Variants in TRPV1 observed in about 807,000 individuals in gnomAD.
TRPV1 encodes OTRPC1.
TRPV1 carries 82 observed loss-of-function variants against 82.3 expected under a neutral mutation model. That is an observed-to-expected ratio of 1.00 (90% CI 0.83 to 1.20). TRPV1 has a LOEUF of 1.20. Among genes scored for constraint, TRPV1 ranks in the 50% most tolerant of loss-of-function variants. The pLI is 0.00. For synonymous variants in TRPV1, 515 were observed against 467.7 expected, an observed-to-expected ratio of 1.10 and a Z score of -1.30; for missense variants, 1,067 against 1,096.8, an observed-to-expected ratio of 0.97 and a Z score of 0.38.
chr17:3,604,428 T>C lies in TRPV1; in HGVS notation c.-34+3999A>G, dbSNP rs1321513675. Among the ~76,000 whole-genome samples the C allele has an allele frequency of 2.0e-5, 3 of 151,728 alleles. No individual in the cohort carries two copies. The East Asian group carries it at 5.8e-4, about 29-fold the overall frequency. On this transcript the variant is annotated intron_variant, in intron 2 of 16. Coordinates refer to ENST00000572705, the MANE Select transcript of TRPV1 (RefSeq NM_080704.4). ...GCCTGGCCAACATGGTGAAACCCCG[T>C]CTCTATTAAAAATACAAAAATTAGC...
At chr17:3,576,668 A>AAAAAAAAAAAAAAAATATAT in intron 13 of TRPV1, among the ~76,000 whole-genome samples, 19 of 38,412 alleles carry the variant, frequency 4.9e-4, no homozygotes, top group East Asian at 1.7e-3. Flanking sequence ...AAAAAAAAAA[A>AAAAAAAAAAAAAAAATATAT]ATATATATAT....
At position 3,576,668 on chromosome 17, in the gene TRPV1, A is replaced by AAATATATAT; in HGVS notation, c.1780+457_1780+458insATATATATT. Among the ~76,000 whole-genome samples the AAATATATAT allele has an allele frequency of 1.5e-3, 57 of 38,404 alleles. 1 individual carries two copies. Among genetic ancestry groups the AAATATATAT allele is most frequent in the Non-Finnish European group, 2.3e-3 (44 of 19,008 alleles). The allele number at this position is 38,404 out of a possible 152,430, so 25.2% of individuals were successfully genotyped here. A position where few individuals can be genotyped will look rare whatever the true frequency, so the allele number is the denominator to read the frequency against. On this transcript the variant is annotated intron_variant, in intron 13 of 16. Transcript: ENST00000572705. ...CTCTGTATGAGAAAAAAAAAAAAAA[A>AAATATATAT]ATATATATATATATATATATATGCA... is the stretch of plus-strand genomic sequence containing the variant.
rs758977030 is a variant in TRPV1 at position 3,590,375 on chromosome 17, T to C, written c.622A>G (p.Ile208Val). 10 of 1,613,812 alleles carry C rather than the reference T, an allele frequency of 6.2e-6. No homozygotes were observed. The highest frequency in any genetic ancestry group is 1.3e-5 in the African/African-American group (1 of 74,930). ...GCCATGTTGCGTCTCTCGATGGCGA[T>C]GTGCAGTGCTGTCTGGCCTACAGAG... is the stretch of plus-strand genomic sequence containing the variant. ...SYYKGQTALH[I>V]AIERRNMALV... The change falls in exon 6 of 17, where the codon ATC becomes GTC. Residue 208 changes from isoleucine to valine, a missense_variant. Physicochemically the swap from Ile to Val is conservative, Grantham distance 29 (BLOSUM62 3). Coordinates refer to ENST00000572705, the MANE Select transcript of TRPV1 (RefSeq NM_080704.4).
rs146598604 is a variant in TRPV1, at chr17:3,592,324, C to T, written c.27G>A (p.Leu9=). 1 of 1,596,526 alleles carries T rather than the reference C, an allele frequency of 6.3e-7. No homozygotes were observed. ...TTTGGAGTGGGTCCGCAGCTGCCCC[C>T]AAGTCTGTGCTGCTCCATTTCTTCA... MKKWSSTD[L]GAAADPLQKD... is the part of the protein sequence containing the mutation. The change falls in exon 3 of 17, where the codon TTG becomes TTA. Residue 9 remains leucine, a synonymous_variant. Coordinates refer to ENST00000572705, the MANE Select transcript of TRPV1 (RefSeq NM_080704.4).
rs200160921 is a variant in TRPV1 at position 3,588,362 on chromosome 17, C to T, written c.1050G>A (p.Leu350=). Residue 350 remains leucine, a synonymous_variant, in exon 8 of 17, where the codon TTG becomes TTA. Coordinates refer to ENST00000572705, the MANE Select transcript of TRPV1 (RefSeq NM_080704.4). ...GGATCTCCCGCTGGAGAATATAGGC[C>T]AAGACCTGCCCCCGGGGAGCAAGAG... The part of the protein sequence containing the change: ...LAAGTGKIGV[L]AYILQREIQE... 1.1e-4 allele frequency: 165 copies of T among 1,555,504 alleles called. 1 individual carries two copies. Among genetic ancestry groups the T allele is most frequent in the Non-Finnish European group, 1.4e-4 (161 of 1,149,366 alleles).
intron 13 of TRPV1, among the ~76,000 whole-genome samples, 168 bp downstream of exon 13, chr17:3,576,958 G>A (rs2074940611): frequency 6.6e-6 from 1 of 151,720 alleles, no homozygotes; most frequent in African/African-American, 2.4e-5. Context: ...TATAACACGT[G>A]GCCAAGTCCT....
chr17:3,606,613 G>C (rs2075297816), intron 2 of TRPV1, among the ~76,000 whole-genome samples: 1 of 152,176 alleles, frequency 6.6e-6, no homozygotes, highest in African/African-American at 2.4e-5. Context: ...CACCTCCTGG[G>C]AAGGAGGGTG....
At chr17:3,567,755 G>A (rs1265352191) in intron 16 of TRPV1, among the ~76,000 whole-genome samples, 1 of 148,432 alleles carries the variant, frequency 6.7e-6, no homozygotes, top group Non-Finnish European at 1.5e-5. Flanking sequence ...CAGCCTGGGC[G>A]ACAGAACAAG....
rs200802613 is a variant in TRPV1, at chr17:3,591,384, C to T, written c.285-31G>A. The T allele has an allele frequency of 7.8e-6, 12 of 1,536,718 alleles. No homozygotes were observed. The African/African-American group carries it at 1.4e-4, about 18-fold the overall frequency. On this transcript the variant is annotated intron_variant, in intron 3 of 16. Coordinates refer to ENST00000572705, the MANE Select transcript of TRPV1 (RefSeq NM_080704.4). ...GGCCAGAAAACACGCTCGTCTCATA[C>T]CCTGGCCTCCCCTCGGCCCTGAGGC... is the stretch of plus-strand genomic sequence containing the variant.
At chr17:3,596,838 G>C (rs2075224252) in intron 2 of TRPV1, 1 of 152,304 alleles carries the variant, frequency 6.6e-6, no homozygotes, top group Non-Finnish European at 1.5e-5. Context: ...GGAAGTGACA[G>C]GGCCCGGCTT....
chr17:3,583,741 G>C (rs2075049701), intron 9 of TRPV1, among the ~76,000 whole-genome samples: 2 of 152,198 alleles, frequency 1.3e-5, no homozygotes, highest in African/African-American at 4.8e-5. Flanking sequence ...GGGTGATGGA[G>C]AGGTGGAAGC....
At chr17:3,605,508 T>TA (rs575291328) in intron 2 of TRPV1, among the ~76,000 whole-genome samples, 75 of 142,816 alleles carry the variant, frequency 5.3e-4, no homozygotes, top group Middle Eastern at 7.1e-3. Flanking sequence ...AGACTCCATT[T>TA]AAAAAAAAAA....
intron 14 of TRPV1, 92 bp from the exon 15 acceptor site, chr17:3,572,341 C>A (rs2074866121): frequency 2.0e-6 from 3 of 1,471,918 alleles, no homozygotes; most frequent in Non-Finnish European, 2.7e-6. Flanking sequence ...CCCAGGGGCT[C>A]TCCCAGGCCT....
At chr17:3,579,568 C>T (rs926744459) in intron 11 of TRPV1, among the ~76,000 whole-genome samples, 4 of 152,142 alleles carry the variant, frequency 2.6e-5, no homozygotes, top group Admixed American at 6.5e-5. Flanking sequence ...CTCTGTCTCC[C>T]GGGTACAAAC....
chr17:3,591,077 A>T lies in TRPV1; in HGVS notation c.491T>A (p.Leu164His), dbSNP rs746801706. The change falls in exon 5 of 17, where the codon CTC becomes CAC. Residue 164 changes from leucine (L) to histidine (H), a missense_variant. Coordinates refer to ENST00000572705, the MANE Select transcript of TRPV1 (RefSeq NM_080704.4). ...GGTGTTCTGTCCGTCGTGCAGGTTGAGCATGGCTTTCAGCAGACAGGTCTT... is the reference window on the plus strand; with the variant it reads ...GGTGTTCTGTCCGTCGTGCAGGTTGTGCATGGCTTTCAGCAGACAGGTCTT... ...TGKTCLLKAM[L>H]NLHDGQNTTI... 6.2e-7 allele frequency: 1 copy of T among 1,613,220 alleles called. No homozygotes were observed. Among genetic ancestry groups the T allele is most frequent in the South Asian group, 1.1e-5 (1 of 90,826 alleles).
chr17:3,567,315 G>A (rs945464345), intron 16 of TRPV1, among the ~76,000 whole-genome samples: 1 of 139,206 alleles, frequency 7.2e-6, no homozygotes, highest in Non-Finnish European at 1.5e-5. Context: ...GCTGCAGTGA[G>A]CCGAGATCGT....
intron 8 of TRPV1, 71 bp downstream of exon 8, chr17:3,588,117 A>T: frequency 6.6e-7 from 1 of 1,503,910 alleles, no homozygotes; most frequent in South Asian, 1.2e-5. Context: ...CTGGAGCTGG[A>T]CCAGGGGCTG....
intron 2 of TRPV1, among the ~76,000 whole-genome samples, chr17:3,593,456 TC>T (rs1432384732): frequency 1.3e-5 from 2 of 151,904 alleles, no homozygotes; most frequent in Non-Finnish European, 1.5e-5. Flanking sequence ...TCCCCATGCT[TC>T]CCCTCCCTCT....
chr17:3,580,315 G>A (rs1471172343), intron 11 of TRPV1, 142 bp downstream of exon 11: 2 of 824,300 alleles, frequency 2.4e-6, no homozygotes, highest in Non-Finnish European at 4.1e-6. Context: ...CCCCGAGTAT[G>A]TATTCAGTGC....
Sources: allele counts gnomAD v4.1 joint callset (sites outside exome capture counted in the v4.1 genomes callset), GRCh38; gene constraint gnomAD v4.1.1; transcripts MANE v1.5; gene names NCBI Gene and HGNC (gene_info 2026-07-23, HGNC 2026-07-21).